GALNTL6: variants seen among roughly 807,000 people sequenced by gnomAD.
The protein encoded by GALNTL6 is polypeptide N-acetylgalactosaminyltransferase like 6.
GALNTL6 carries 46 observed loss-of-function variants against 73.7 expected under a neutral mutation model. The observed-to-expected ratio is 0.62, with a 90% confidence interval of 0.49 to 0.80. The LOEUF (loss-of-function observed/expected upper bound fraction) is 0.80. GALNTL6 is among the 30% of genes least tolerant of loss of function. The probability of loss-of-function intolerance (pLI) is 0.00; values close to 1 mark genes in which losing one functional copy is unlikely to be tolerated. For synonymous variants in GALNTL6, 259 were observed against 263.7 expected (o/e 0.98, Z 0.17); for missense variants, 604 against 755.0 (o/e 0.80, Z 2.34).
intron 10 of GALNTL6, among the ~76,000 whole-genome samples, chr4:172,994,691 A>G (rs1408453830): frequency 6.6e-6 from 1 of 152,172 alleles, no homozygotes; most frequent in Non-Finnish European, 1.5e-5. Flanking sequence ...CTGAAAATAA[A>G]GACAATTTGC....
At chr4:172,653,362 G>A (rs1740581076) in intron 5 of GALNTL6, among the ~76,000 whole-genome samples, 1 of 151,674 alleles carries the variant, frequency 6.6e-6, no homozygotes, top group African/African-American at 2.4e-5. Context: ...TGGGATTATA[G>A]GCTTATGCCA....
chr4:172,784,440 G>A (rs1026661983), intron 5 of GALNTL6, among the ~76,000 whole-genome samples: 1 of 152,112 alleles, frequency 6.6e-6, no homozygotes, highest in South Asian at 2.1e-4. Flanking sequence ...TATTGCTTTT[G>A]TAAAAAAATA....
chr4:172,980,314 C>A (rs1409338310), intron 10 of GALNTL6, among the ~76,000 whole-genome samples: 1 of 152,188 alleles, frequency 6.6e-6, no homozygotes, highest in Non-Finnish European at 1.5e-5. Context: ...TAATCAGTGG[C>A]ATACCAGTAC....
chr4:172,082,852 A>C (rs1358065992), intron 2 of GALNTL6, among the ~76,000 whole-genome samples: 1 of 152,182 alleles, frequency 6.6e-6, no homozygotes, highest in African/African-American at 2.4e-5. Context: ...GGTGCTTTAA[A>C]AAGTTTTATT....
intron 2 of GALNTL6, among the ~76,000 whole-genome samples, chr4:171,818,938 T>C (rs1734607977): frequency 6.6e-6 from 1 of 152,074 alleles, no homozygotes; most frequent in African/African-American, 2.4e-5. Context: ...ACTTGTTTTA[T>C]AACATGAAAA....
At position 172,917,036 on chromosome 4, in the gene GALNTL6, T is replaced by G. The variant is rs553274798; in HGVS notation, c.1042-14125T>G. ...CAGTAACCAAAACAGCATGGTACTG[T>G]TACCAAAACAGAGATATAGACCAAT... On this transcript the variant is annotated intron_variant, in intron 8 of 12. Transcript: ENST00000506823. 1.9e-3 allele frequency among the ~76,000 whole-genome samples: 296 copies of G among 152,078 alleles called. 2 individuals are homozygous for G. The highest frequency in any genetic ancestry group is 6.8e-3 in the Middle Eastern group (2 of 292).
At chr4:172,624,809 T>C (rs1739101181) in intron 5 of GALNTL6, among the ~76,000 whole-genome samples, 1 of 151,754 alleles carries the variant, frequency 6.6e-6, no homozygotes, top group Non-Finnish European at 1.5e-5. Flanking sequence ...TTTTTTTTCT[T>C]TTATTTCAAC....
intron 5 of GALNTL6, among the ~76,000 whole-genome samples, chr4:172,481,010 G>C (rs1310888711): frequency 6.6e-6 from 1 of 152,138 alleles, no homozygotes; most frequent in East Asian, 1.9e-4. Flanking sequence ...AAAATTGGTG[G>C]GTTCTTGGTC....
intron 2 of GALNTL6, among the ~76,000 whole-genome samples, chr4:172,140,388 T>A (rs1733769118): frequency 6.6e-6 from 1 of 152,050 alleles, no homozygotes; most frequent in South Asian, 2.1e-4. Flanking sequence ...ACAGATAATA[T>A]CAGAAATTCT....
chr4:172,355,551 T>C (rs755167081), intron 5 of GALNTL6, among the ~76,000 whole-genome samples: 14 of 152,138 alleles, frequency 9.2e-5, no homozygotes, highest in Non-Finnish European at 1.9e-4. Context: ...AAAAAAATCT[T>C]ATGCTTGCTT....
intron 2 of GALNTL6, among the ~76,000 whole-genome samples, chr4:172,154,857 AATT>A (rs1283975384): frequency 2.6e-5 from 4 of 152,204 alleles, no homozygotes; most frequent in Non-Finnish European, 5.9e-5. Context: ...TGTTTGATAT[AATT>A]CTGAGTGCAT....
chr4:172,830,441 GCCAC>G (rs1560980765), intron 7 of GALNTL6, among the ~76,000 whole-genome samples: 4 of 958 alleles, frequency 4.2e-3, no homozygotes, highest in South Asian at 0.1. Flanking sequence ...GTGTTATACT[GCCAC>G]TGCCACCTTC....
intron 2 of GALNTL6, among the ~76,000 whole-genome samples, chr4:171,947,740 G>A (rs1738747521): frequency 6.6e-6 from 1 of 152,010 alleles, no homozygotes; most frequent in Admixed American, 6.6e-5. Context: ...AGGGGTGGAG[G>A]AAAAAATGTA....
At chr4:172,931,055 G>A (rs1334134499) in intron 8 of GALNTL6, 106 bp from the exon 9 acceptor site, 1 of 709,426 alleles carries the variant, frequency 1.4e-6, no homozygotes, top group Non-Finnish European at 2.5e-6. Flanking sequence ...AGAAATTATT[G>A]ATTTAAAGAC....
chr4:172,834,217 A>G (rs1044936182), intron 7 of GALNTL6, among the ~76,000 whole-genome samples: 3 of 152,218 alleles, frequency 2.0e-5, no homozygotes, highest in Non-Finnish European at 4.4e-5. Flanking sequence ...CTCCTGAGGT[A>G]TAGAGAAGTG....
chr4:172,965,989 C>T (rs1394198183), intron 10 of GALNTL6, among the ~76,000 whole-genome samples: 1 of 151,996 alleles, frequency 6.6e-6, no homozygotes, highest in African/African-American at 2.4e-5. Context: ...AAGAATGACA[C>T]TAAATTAATA....
intron 5 of GALNTL6, among the ~76,000 whole-genome samples, chr4:172,378,131 C>A (rs1384952459): frequency 1.3e-5 from 2 of 152,290 alleles, no homozygotes; most frequent in Non-Finnish European, 2.9e-5. Flanking sequence ...TCACCTTTAA[C>A]CAAAAGAGCC....
At chr4:172,632,679 G>A (rs1739449917) in intron 5 of GALNTL6, among the ~76,000 whole-genome samples, 1 of 152,114 alleles carries the variant, frequency 6.6e-6, no homozygotes, top group Non-Finnish European at 1.5e-5. Flanking sequence ...TAAGTAACAA[G>A]GAGCCAAATG....
chr4:172,428,825 A>G (rs1215181908), intron 5 of GALNTL6, among the ~76,000 whole-genome samples: 1 of 152,232 alleles, frequency 6.6e-6, no homozygotes, highest in African/African-American at 2.4e-5. Flanking sequence ...TTAAAGAATC[A>G]GTAGAAATAG....
Sources: gnomAD v4.1 joint callset for allele counts (sites outside exome capture counted in the v4.1 genomes callset) on GRCh38, gnomAD v4.1.1 for gene constraint, MANE v1.5 for transcripts, NCBI Gene and HGNC (gene_info 2026-07-23, HGNC 2026-07-21) for gene names.